OSBP2: variants seen among roughly 807,000 people sequenced by gnomAD.
OSBP2 encodes oxysterol-binding protein 2.
OSBP2 carries 66 observed loss-of-function variants against 96.0 expected under a neutral mutation model. The ratio of observed to expected loss-of-function variants is 0.69; its 90% CI spans 0.56 to 0.84. The LOEUF is 0.84. Ranked by LOEUF, OSBP2 falls within the 40% of genes least tolerant of loss-of-function variation. OSBP2 has a pLI of 0.00. For synonymous variants in OSBP2, 525 were observed against 520.9 expected, an observed-to-expected ratio of 1.01 and a Z score of -0.11; for missense variants, 1,038 against 1,222.7, an observed-to-expected ratio of 0.85 and a Z score of 2.25.
intron 1 of OSBP2, among the ~76,000 whole-genome samples, chr22:30,733,775 G>A (rs964850554): frequency 1.3e-5 from 2 of 152,206 alleles, no homozygotes; most frequent in African/African-American, 4.8e-5. Flanking sequence ...ATCCTTGACA[G>A]AGGTGAGAGT....
chr22:30,810,357 C>T (rs987070616), intron 2 of OSBP2, among the ~76,000 whole-genome samples: 10 of 152,110 alleles, frequency 6.6e-5, no homozygotes, highest in African/African-American at 2.2e-4. Context: ...TCATTTCTTG[C>T]CTTTCCTTGT....
Position 30,758,206 on chromosome 22 carries a change from G to A in OSBP2, c.853+16837G>A, listed in dbSNP as rs151018094. ...CACTTGAGGCCAGGAGTTCGAGACC[G>A]GCCTGGCCAACATGGTGAAACCCCA... On this transcript the variant is annotated intron_variant, in intron 2 of 13. Coordinates refer to ENST00000332585, the MANE Select transcript of OSBP2 (RefSeq NM_030758.4). Among the ~76,000 whole-genome samples the A allele has an allele frequency of 6.1e-3, 921 of 151,958 alleles. 8 individuals carry two copies. The highest frequency in any genetic ancestry group is 0.021 in the African/African-American group (864 of 41,452).
intron 2 of OSBP2, among the ~76,000 whole-genome samples, chr22:30,805,257 G>C (rs1358925742): frequency 6.6e-6 from 1 of 152,192 alleles, no homozygotes; most frequent in African/African-American, 2.4e-5. Context: ...CACTATTTCT[G>C]TCTGGATTTC....
intron 1 of OSBP2, among the ~76,000 whole-genome samples, chr22:30,714,718 G>A (rs1250491328): frequency 1.3e-5 from 2 of 152,158 alleles, no homozygotes; most frequent in Non-Finnish European, 2.9e-5. Context: ...CCGGGTTCAA[G>A]CGATTCTCCT....
chr22:30,891,056 G>T, intron 8 of OSBP2, 83 bp downstream of exon 8: 17 of 1,505,922 alleles, frequency 1.1e-5, no homozygotes, highest in Non-Finnish European at 1.4e-5. Context: ...TGACAAATGG[G>T]AGGCAGCGTC....
intron 2 of OSBP2, among the ~76,000 whole-genome samples, chr22:30,786,402 G>T (rs2090590914): frequency 6.6e-6 from 1 of 152,044 alleles, no homozygotes; most frequent in Non-Finnish European, 1.5e-5. Context: ...AGCACTAGGA[G>T]GTGAGGAGTC....
In OSBP2 at chr22:30,859,761, C is replaced by T. The variant is rs188651897; in HGVS notation, c.854-10668C>T. ...CCGGATGAAAAAGCAAAACACCAAACTGAATTTGTGTTATGTGGACAAAGG... is the reference window on the plus strand; with the variant it reads ...CCGGATGAAAAAGCAAAACACCAAATTGAATTTGTGTTATGTGGACAAAGG... On this transcript the variant is annotated intron_variant, in intron 2 of 13. Transcript: ENST00000332585. 2.0e-5 allele frequency among the ~76,000 whole-genome samples: 3 copies of T among 152,354 alleles called. No homozygotes were observed. The East Asian group carries it at 5.8e-4, about 29-fold the overall frequency.
intron 2 of OSBP2, among the ~76,000 whole-genome samples, chr22:30,865,915 C>T (rs1199548775): frequency 6.6e-6 from 1 of 152,144 alleles, no homozygotes; most frequent in African/African-American, 2.4e-5. Flanking sequence ...ACAGCCTGGT[C>T]AGGAAGGCAA....
intron 2 of OSBP2, among the ~76,000 whole-genome samples, chr22:30,850,879 A>G (rs1479982004): frequency 5.3e-5 from 8 of 152,224 alleles, no homozygotes; most frequent in Non-Finnish European, 1.2e-4. Flanking sequence ...ATTGCATTGA[A>G]TCTATACATT....
At chr22:30,849,516 T>C (rs1237932717) in intron 2 of OSBP2, among the ~76,000 whole-genome samples, 2 of 152,256 alleles carry the variant, frequency 1.3e-5, no homozygotes, top group East Asian at 3.8e-4. Flanking sequence ...CATCTCTTCA[T>C]GTTCTTATTA....
Position 30,870,350 on chromosome 22 carries a change from C to T in OSBP2, c.854-79C>T. 2 of 1,459,944 alleles carry T rather than the reference C, an allele frequency of 1.4e-6. No homozygotes were observed. Among genetic ancestry groups the T allele is most frequent in the African/African-American group, 1.4e-5 (1 of 72,220 alleles). 90.4% of individuals were successfully genotyped at this position (1,459,944 alleles called of 1,614,324 possible). On this transcript the variant is annotated intron_variant, in intron 2 of 13. Transcript: ENST00000332585. The surrounding 1 kb of genome is among the most constrained non-coding windows in gnomAD (Gnocchi z 4.1). Reference sequence around the variant, plus strand: ...TTTTGAATGGCGCTATCCACCCTGCCCTGCTCGGCCTGGCTGTGCAGGCCT... The same window carrying T: ...TTTTGAATGGCGCTATCCACCCTGCTCTGCTCGGCCTGGCTGTGCAGGCCT...
intron 1 of OSBP2, among the ~76,000 whole-genome samples, chr22:30,726,995 C>T (rs1253039385): frequency 1.3e-5 from 2 of 152,112 alleles, no homozygotes; most frequent in Non-Finnish European, 2.9e-5. Flanking sequence ...ACCTGGGTGA[C>T]AAAAGTCTGT....
At chr22:30,873,046 A>AG (rs1485606865) in intron 3 of OSBP2, among the ~76,000 whole-genome samples, 1 of 152,186 alleles carries the variant, frequency 6.6e-6, no homozygotes, top group African/African-American at 2.4e-5. Flanking sequence ...CCAAACCTCC[A>AG]GGGAGCCTAT....
intron 2 of OSBP2, among the ~76,000 whole-genome samples, chr22:30,812,457 C>T (rs62235916): frequency 0.099 from 15,105 of 152,230 alleles, 864 homozygotes; most frequent in East Asian, 0.21. Context: ...TGAGCCATCA[C>T]GCCTGGCCTC....
intron 1 of OSBP2, among the ~76,000 whole-genome samples, chr22:30,732,830 TTGTTTTGTCAG>T (rs1238653132): frequency 3.9e-5 from 6 of 152,180 alleles, no homozygotes; most frequent in Admixed American, 3.9e-4. Context: ...GGCCATTCCA[TTGTTTTGTCAG>T]GCTCGCTGCC....
intron 2 of OSBP2, among the ~76,000 whole-genome samples, chr22:30,861,899 C>G (rs897484322): frequency 6.6e-6 from 1 of 152,182 alleles, no homozygotes; most frequent in Non-Finnish European, 1.5e-5. Flanking sequence ...CACCTCTGTC[C>G]TGGGGCTCCT....
chr22:30,725,323 C>G (rs1334599276), intron 1 of OSBP2, among the ~76,000 whole-genome samples: 1 of 151,868 alleles, frequency 6.6e-6, no homozygotes, highest in African/African-American at 2.4e-5. Flanking sequence ...GCCTAGCCAA[C>G]ATGGTGAAAC....
chr22:30,702,014 G>C (rs1041500780), intron 1 of OSBP2, among the ~76,000 whole-genome samples: 4 of 152,174 alleles, frequency 2.6e-5, no homozygotes, highest in African/African-American at 9.7e-5. Flanking sequence ...GACATGAACT[G>C]TCATTTTCCC....
chr22:30,834,799 T>G (rs963197560), intron 2 of OSBP2, among the ~76,000 whole-genome samples: 1 of 134,454 alleles, frequency 7.4e-6, no homozygotes, highest in Non-Finnish European at 1.7e-5. Context: ...GGATTGTCTT[T>G]TCTTTTCTTT....
Sources: allele counts gnomAD v4.1 joint callset (sites outside exome capture counted in the v4.1 genomes callset), GRCh38; gene constraint gnomAD v4.1.1; non-coding constraint Gnocchi (gnomAD v3.1); transcripts MANE v1.5; gene names NCBI Gene and HGNC (gene_info 2026-07-23, HGNC 2026-07-21).